RAD52: variants seen among roughly 807,000 people sequenced by gnomAD.
RAD52 encodes RAD52 DNA repair protein, also known as DNA repair protein RAD52 homolog.
In RAD52, 47 loss-of-function variants were observed where a neutral mutation model predicts 55.5. That is an observed-to-expected ratio of 0.85 (90% CI 0.67 to 1.08). RAD52 has a LOEUF of 1.08. Ranked by LOEUF, RAD52 falls within the 50% of genes least tolerant of loss-of-function variation. The pLI, the probability that RAD52 is intolerant of heterozygous loss-of-function variation, is 0.00. For missense variants in RAD52, 468 were observed against 522.8 expected, an observed-to-expected ratio of 0.90 and a Z score of 1.02; for synonymous variants, 184 against 198.9, an observed-to-expected ratio of 0.92 and a Z score of 0.63.
chr12:919,464 G>T (rs1443791316), intron 7 of RAD52, among the ~76,000 whole-genome samples: 14 of 151,646 alleles, frequency 9.2e-5, no homozygotes, highest in Admixed American at 9.2e-4. Flanking sequence ...AGAAATTTGG[G>T]GCCAGGCTCA....
chr12:943,521 G>C (rs1235994286), intron 1 of RAD52, among the ~76,000 whole-genome samples: 1 of 152,130 alleles, frequency 6.6e-6, no homozygotes, highest in Non-Finnish European at 1.5e-5. Context: ...TCTAATTCTT[G>C]TATTTTTAGT....
At chr12:933,097 A>G (rs773449172) in intron 1 of RAD52, 21 bp from the exon 2 acceptor site, 118 of 1,428,048 alleles carry the variant, frequency 8.3e-5, no homozygotes, top group East Asian at 9.8e-5. Flanking sequence ...AAAAAGCGGA[A>G]AAAAAAAACA....
At chr12:979,563 G>A (rs956625579) in intron 1 of RAD52, among the ~76,000 whole-genome samples, 3 of 150,230 alleles carry the variant, frequency 2.0e-5, no homozygotes, top group Non-Finnish European at 4.4e-5. Context: ...CTCTGTGCGT[G>A]TGTGTGTGTG....
At chr12:965,637 G>A (rs1252835604) in intron 1 of RAD52, among the ~76,000 whole-genome samples, 2 of 151,592 alleles carry the variant, frequency 1.3e-5, no homozygotes, top group Non-Finnish European at 1.5e-5. Context: ...CTATGTTCTG[G>A]CCAATAAGAT....
intron 7 of RAD52, among the ~76,000 whole-genome samples, chr12:924,075 AG>A (rs1956889465): frequency 6.8e-6 from 1 of 147,814 alleles, no homozygotes; most frequent in Admixed American, 6.8e-5. Flanking sequence ...AAAAAGAAAA[AG>A]AAAACTTGAC....
chr12:920,779 AATACT>A (rs1478951113), intron 7 of RAD52, among the ~76,000 whole-genome samples: 2 of 152,216 alleles, frequency 1.3e-5, no homozygotes, highest in East Asian at 3.8e-4. Context: ...GTATTTGAAC[AATACT>A]ATAGGCCAAC....
intron 1 of RAD52, among the ~76,000 whole-genome samples, chr12:984,080 C>A (rs1274282110): frequency 1.3e-5 from 2 of 152,168 alleles, no homozygotes; most frequent in Admixed American, 6.5e-5. Context: ...GCAGACATCA[C>A]CCTTATCTTC....
intron 1 of RAD52, among the ~76,000 whole-genome samples, chr12:938,738 G>C (rs977372432): frequency 1.3e-5 from 2 of 152,130 alleles, no homozygotes; most frequent in African/African-American, 4.8e-5. Context: ...TAAATGCACT[G>C]TGTGATCTTC....
intron 1 of RAD52, among the ~76,000 whole-genome samples, chr12:988,166 G>C (rs1480446419): frequency 6.6e-6 from 1 of 151,922 alleles, no homozygotes; most frequent in East Asian, 1.9e-4. Flanking sequence ...AAAGAGATGG[G>C]GTCTCATTAT....
chr12:961,243 G>A (rs1958679157), intron 1 of RAD52, among the ~76,000 whole-genome samples: 1 of 139,152 alleles, frequency 7.2e-6, no homozygotes, highest in Admixed American at 7.8e-5. Flanking sequence ...CTGGGAGGCA[G>A]AGGTTGCAGT....
intron 1 of RAD52, among the ~76,000 whole-genome samples, chr12:942,602 T>G (rs533939282): frequency 3.6e-3 from 545 of 151,902 alleles, no homozygotes; most frequent in African/African-American, 0.013. Context: ...CAAAAATTAG[T>G]TGGGCATGGT....
At chr12:977,331 GC>G (rs909701728) in intron 1 of RAD52, among the ~76,000 whole-genome samples, 3 of 152,176 alleles carry the variant, frequency 2.0e-5, no homozygotes, top group African/African-American at 4.8e-5. Context: ...TTACGTGCAT[GC>G]TCTCTTAGGG....
chr12:960,631 G>T (rs888641108), intron 1 of RAD52, among the ~76,000 whole-genome samples: 1 of 152,040 alleles, frequency 6.6e-6, no homozygotes, highest in Non-Finnish European at 1.5e-5. Context: ...CCCTATTTTT[G>T]TTGTTGTTGT....
Position 932,993 on chromosome 12 carries a change from T to A in RAD52, c.66A>T (p.Ser22=). 6.2e-7 allele frequency: 1 copy of A among 1,614,036 alleles called. No homozygotes were observed. The highest frequency in any genetic ancestry group is 1.1e-5 in the South Asian group (1 of 91,086). The change falls in exon 2 of 12, where the codon TCA becomes TCT. Residue 22 remains serine, a synonymous_variant. Coordinates refer to ENST00000358495, the MANE Select transcript of RAD52 (RefSeq NM_134424.4). ...RDSHPAAGGG[S]VLCFGQCQYT... ...CAGTTACCTGTCCAAAGCATAACAC[T>A]GAGCCGCCGCCAGCAGCAGGATGGC...
intron 7 of RAD52, among the ~76,000 whole-genome samples, chr12:917,574 T>C (rs1409723626): frequency 6.6e-6 from 1 of 151,836 alleles, no homozygotes; most frequent in Non-Finnish European, 1.5e-5. Context: ...GAAAGATAAA[T>C]GAGTAGTTTA....
At chr12:982,022 T>C (rs1464599503) in intron 1 of RAD52, among the ~76,000 whole-genome samples, 1 of 152,118 alleles carries the variant, frequency 6.6e-6, no homozygotes, top group South Asian at 2.1e-4. Flanking sequence ...TGAGGAGACA[T>C]CTTAGCTCCC....
chr12:917,883 T>C (rs1956492121), intron 7 of RAD52, among the ~76,000 whole-genome samples: 1 of 151,434 alleles, frequency 6.6e-6, no homozygotes, highest in African/African-American at 2.4e-5. Flanking sequence ...GAGGTTGCAG[T>C]GGGCGGAGAT....
At chr12:928,051 G>A (rs1957134226) in intron 5 of RAD52, among the ~76,000 whole-genome samples, 2 of 152,150 alleles carry the variant, frequency 1.3e-5, no homozygotes, top group Non-Finnish European at 1.5e-5. Flanking sequence ...AATGTTTGAT[G>A]ACAGCGCTCT....
intron 1 of RAD52, among the ~76,000 whole-genome samples, chr12:967,595 A>G (rs1958787450): frequency 1.3e-5 from 2 of 151,738 alleles, no homozygotes; most frequent in Non-Finnish European, 2.9e-5. Flanking sequence ...TATGTCATTT[A>G]GTTTTACCTG....
Sources: allele counts gnomAD v4.1 joint callset (sites outside exome capture counted in the v4.1 genomes callset), GRCh38; gene constraint gnomAD v4.1.1; transcripts MANE v1.5; gene names NCBI Gene and HGNC (gene_info 2026-07-23, HGNC 2026-07-21).